The following TBC1D5 variants were observed in gnomAD, a reference collection of about 807,000 sequenced individuals.
The protein encoded by TBC1D5 is TBC1 domain family, member 5.
Under a neutral mutation model 100.3 loss-of-function variants are expected in TBC1D5, and 75 were observed. The observed-to-expected ratio is 0.75, with a 90% CI of 0.62 to 0.91. The LOEUF (loss-of-function observed/expected upper bound fraction) is 0.91. Ranked by LOEUF, TBC1D5 falls within the 40% of genes least tolerant of loss-of-function variation. The probability of loss-of-function intolerance (pLI) is 0.00; values close to 1 mark genes in which losing one functional copy is unlikely to be tolerated. For synonymous variants in TBC1D5, 323 were observed against 325.6 expected (o/e 0.99, Z 0.09); for missense variants, 910 against 942.4 (o/e 0.97, Z 0.45).
chr3:17,727,842 A>G (rs1577844271), intron 1 of TBC1D5, among the ~76,000 whole-genome samples: 2 of 152,220 alleles, frequency 1.3e-5, no homozygotes, highest in South Asian at 4.1e-4. Flanking sequence ...GAACACATAA[A>G]TAGAACTGCA....
intron 13 of TBC1D5, among the ~76,000 whole-genome samples, chr3:17,316,798 T>C (rs1468937954): frequency 1.3e-5 from 2 of 152,034 alleles, no homozygotes; most frequent in East Asian, 3.9e-4. Flanking sequence ...GGTGGAAAGG[T>C]TGAGGTTGGG....
rs145328292 is a variant in TBC1D5 at position 17,323,133 on chromosome 3, C to A, written c.996-14999G>T. On this transcript the variant is annotated intron_variant, in intron 13 of 21. Coordinates refer to ENST00000253692, the Ensembl canonical transcript of TBC1D5. ...ATCATATAACATTCAAAATTTACAG[C>A]ACTGAATTTTAAAAATCACAAATTA... Among the ~76,000 whole-genome samples, 6 of 152,222 alleles carry A rather than the reference C, an allele frequency of 3.9e-5. No homozygotes were observed. The East Asian group carries it at 1.2e-3, about 29-fold the overall frequency.
At chr3:17,378,403 T>C (rs2092796056) in intron 9 of TBC1D5, among the ~76,000 whole-genome samples, 1 of 151,844 alleles carries the variant, frequency 6.6e-6, no homozygotes, top group Admixed American at 6.6e-5. Flanking sequence ...CAGAGTGTTT[T>C]AAAAAAATTT....
chr3:17,319,286 C>T (rs2085073458), intron 13 of TBC1D5, among the ~76,000 whole-genome samples: 1 of 152,202 alleles, frequency 6.6e-6, no homozygotes, highest in South Asian at 2.1e-4. Flanking sequence ...AGTTCTAGTG[C>T]TGAGATGCTC....
chr3:17,574,489 A>T (rs970288449), intron 2 of TBC1D5, among the ~76,000 whole-genome samples: 9 of 152,012 alleles, frequency 5.9e-5, no homozygotes, highest in African/African-American at 2.2e-4. Context: ...ACACCTTTCC[A>T]ACACTGTTAG....
intron 19 of TBC1D5, among the ~76,000 whole-genome samples, chr3:17,170,194 A>G (rs1389515641): frequency 6.6e-6 from 1 of 152,228 alleles, no homozygotes; most frequent in Non-Finnish European, 1.5e-5. Flanking sequence ...GAGAGGCAGC[A>G]TGGCACACAG....
intron 19 of TBC1D5, among the ~76,000 whole-genome samples, chr3:17,182,300 C>G (rs553729183): frequency 1.3e-5 from 2 of 152,130 alleles, no homozygotes; most frequent in Non-Finnish European, 1.5e-5. Context: ...GCTATGTGAA[C>G]GAGTTCTGGC....
intron 17 of TBC1D5, among the ~76,000 whole-genome samples, chr3:17,216,994 G>A (rs1009553120): frequency 1.3e-5 from 2 of 151,986 alleles, no homozygotes; most frequent in African/African-American, 4.8e-5. Flanking sequence ...CTTAATCACT[G>A]AGAAAAGAAA....
At chr3:17,323,782 C>G (rs1282763106) in intron 13 of TBC1D5, among the ~76,000 whole-genome samples, 1 of 152,050 alleles carries the variant, frequency 6.6e-6, no homozygotes, top group African/African-American at 2.4e-5. Flanking sequence ...TCAATGCAAT[C>G]TTAATTAAAA....
chr3:17,713,110 G>A (rs879341595), intron 1 of TBC1D5, among the ~76,000 whole-genome samples: 4 of 151,972 alleles, frequency 2.6e-5, no homozygotes, highest in Admixed American at 6.6e-5. Context: ...TTCTTTACTC[G>A]CGTATTTTTC....
chr3:17,486,638 A>T (rs115164030), intron 3 of TBC1D5, among the ~76,000 whole-genome samples: 1,712 of 152,288 alleles, frequency 0.011, 25 homozygotes, highest in African/African-American at 0.038. Context: ...AGATCTCTGA[A>T]ATCTAGTCAA....
At chr3:17,370,076 T>C (rs1316286645) in intron 13 of TBC1D5, among the ~76,000 whole-genome samples, 1 of 152,030 alleles carries the variant, frequency 6.6e-6, no homozygotes, top group Non-Finnish European at 1.5e-5. Context: ...GCCAAAGAAA[T>C]TCTATAAATT....
chr3:17,185,973 T>G (rs1431723053), intron 18 of TBC1D5, among the ~76,000 whole-genome samples: 1 of 151,694 alleles, frequency 6.6e-6, no homozygotes, highest in Admixed American at 6.6e-5. Context: ...TTCTTTTTTT[T>G]TTTTAAGGAA....
intron 1 of TBC1D5, among the ~76,000 whole-genome samples, chr3:17,670,871 A>T (rs1176679449): frequency 6.6e-6 from 1 of 152,194 alleles, no homozygotes; most frequent in East Asian, 1.9e-4. Flanking sequence ...AACTTTACAC[A>T]AACTTGCCTT....
At chr3:17,417,699 A>G (rs2094117305) in intron 4 of TBC1D5, among the ~76,000 whole-genome samples, 2 of 152,176 alleles carry the variant, frequency 1.3e-5, no homozygotes, top group African/African-American at 4.8e-5. Flanking sequence ...TCCCTTGGGT[A>G]TATACCCAGT....
chr3:17,406,672 C>T, intron 4 of TBC1D5, 146 bp from the exon 5 acceptor site: 1 of 614,752 alleles, frequency 1.6e-6, no homozygotes, highest in African/African-American at 1.9e-5. Context: ...TTTCTGAACG[C>T]ATGGCTGTCT....
chr3:17,699,001 T>G (rs1208388209), intron 1 of TBC1D5, among the ~76,000 whole-genome samples: 2 of 151,172 alleles, frequency 1.3e-5, no homozygotes, highest in African/African-American at 4.9e-5. Context: ...CTCAGGGATC[T>G]AGAACTCGAA....
intron 1 of TBC1D5, among the ~76,000 whole-genome samples, chr3:17,661,775 G>A (rs545041142): frequency 6.6e-6 from 1 of 152,254 alleles, no homozygotes; most frequent in South Asian, 2.1e-4. Flanking sequence ...CGGGATCACA[G>A]GCATGAGCCA....
chr3:17,516,160 T>A (rs879386296), intron 2 of TBC1D5, among the ~76,000 whole-genome samples: 2 of 152,204 alleles, frequency 1.3e-5, no homozygotes, highest in Non-Finnish European at 2.9e-5. Flanking sequence ...CTGTACATAA[T>A]TCCAACATTC....
Sources: allele counts gnomAD v4.1 joint callset (sites outside exome capture counted in the v4.1 genomes callset), GRCh38; gene constraint gnomAD v4.1.1; transcripts MANE v1.5; gene names NCBI Gene and HGNC (gene_info 2026-07-23, HGNC 2026-07-21).